Variants in OC90 observed in about 807,000 individuals in gnomAD.
OC90 encodes the protein otoconin 90.
OC90 carries 46 observed loss-of-function variants against 47.3 expected under a neutral mutation model. That is an observed-to-expected ratio of 0.97 (90% CI 0.77 to 1.24). OC90 has a LOEUF of 1.24. Among genes scored for constraint, OC90 ranks in the 50% most tolerant of loss-of-function variants. The pLI, the probability that OC90 is intolerant of heterozygous loss-of-function variation, is 0.00. For synonymous variants in OC90, 271 were observed against 219.5 expected, an observed-to-expected ratio of 1.23 and a Z score of -2.07; for missense variants, 688 against 583.9, an observed-to-expected ratio of 1.18 and a Z score of -1.84.
rs764106318 is a variant in OC90, at chr8:132,031,906, C to T, written c.1006G>A (p.Gly336Ser). ...YGCYCGQEGR[G>S]EPRDDLDRCC... is the part of the protein sequence containing the mutation. ...CTGTCTAGGTCATCCCTTGGCTCGC[C>T]TCTTCCTTCTTGTCCACAGTAACAG... Residue 336 changes from glycine to serine, a missense_variant, in exon 12 of 14, where the codon GGC becomes AGC. Coordinates refer to ENST00000254627, the MANE Select transcript of OC90 (RefSeq NM_001080399.3). 36 of 1,613,888 alleles carry T rather than the reference C, an allele frequency of 2.2e-5. No individual in the cohort carries two copies. The highest frequency in any genetic ancestry group is 1.8e-4 in the Admixed American group (11 of 60,008).
Position 132,045,808 on chromosome 8 carries a change from G to A in OC90, c.112+10C>T. On this transcript the variant is annotated intron_variant, in intron 3 of 13. Transcript: ENST00000254627. ...ACTCTGCTCCTAAGAAAAGTTCTAAGAATCCTTACTGATATTGTTTGGGAG... is the reference window on the plus strand; with the variant it reads ...ACTCTGCTCCTAAGAAAAGTTCTAAAAATCCTTACTGATATTGTTTGGGAG... The A allele has an allele frequency of 1.3e-6, 2 of 1,500,580 alleles. No homozygotes were observed. Among genetic ancestry groups the A allele is most frequent in the Non-Finnish European group, 1.8e-6 (2 of 1,100,464 alleles). The allele number at this position is 1,500,580 out of a possible 1,614,324, so 93.0% of individuals were successfully genotyped here. A position where few individuals can be genotyped will look rare whatever the true frequency, so the allele number is the denominator to read the frequency against.
chr8:132,029,582 C>A (rs1345421607), intron 12 of OC90, among the ~76,000 whole-genome samples: 1 of 152,170 alleles, frequency 6.6e-6, no homozygotes, highest in Non-Finnish European at 1.5e-5. Context: ...AGTAAGCTTA[C>A]TCCCTCCAAT....
intron 13 of OC90, among the ~76,000 whole-genome samples, chr8:132,028,626 G>T (rs1563727559): frequency 9.2e-6 from 1 of 108,132 alleles, no homozygotes. Flanking sequence ...AGGAAGGAAG[G>T]AAGGAAGGAA....
intron 6 of OC90, among the ~76,000 whole-genome samples, chr8:132,040,086 G>A (rs942597416): frequency 1.3e-4 from 20 of 152,200 alleles, no homozygotes; most frequent in African/African-American, 4.3e-4. Context: ...TTGGGTGGAT[G>A]AATGAATCAT....
At chr8:132,032,962 AG>A in intron 11 of OC90, 76 bp downstream of exon 11, 1 of 1,493,964 alleles carries the variant, frequency 6.7e-7, no homozygotes, top group Non-Finnish European at 9.1e-7. Context: ...CAGTGTGAAA[AG>A]GTGGCCTACG....
At position 132,032,061 on chromosome 8, in the gene OC90, A is replaced by T. The variant is rs1822884824; in HGVS notation, c.860-9T>A. 3.7e-6 allele frequency: 6 copies of T among 1,612,958 alleles called. No individual in the cohort carries two copies. In the African/African-American group the frequency reaches 8.0e-5, roughly 22 times the overall value. ...GGTGAATCTGTCACAGGCTGAAAGG[A>T]ACAGGAATTGTCAGGAGAGCAAGGA... On this transcript the variant is annotated splice_polypyrimidine_tract_variant and intron_variant, in intron 11 of 13. Transcript: ENST00000254627.
At chr8:132,046,364 C>T (rs899311256) in intron 2 of OC90, among the ~76,000 whole-genome samples, 1 of 152,186 alleles carries the variant, frequency 6.6e-6, no homozygotes, top group Admixed American at 6.5e-5. Context: ...TGTGCTCTCA[C>T]TCAAGTTTGA....
At chr8:132,053,896 G>C (rs1452404336) in intron 2 of OC90, among the ~76,000 whole-genome samples, 2 of 152,214 alleles carry the variant, frequency 1.3e-5, no homozygotes, top group African/African-American at 4.8e-5. Flanking sequence ...AGTCACCCTG[G>C]CTGTGTTGAG....
chr8:132,039,886 C>G (rs1823028162), intron 6 of OC90, among the ~76,000 whole-genome samples: 1 of 151,890 alleles, frequency 6.6e-6, no homozygotes, highest in Admixed American at 6.6e-5. Context: ...TAAAGAGAAC[C>G]CCCCCTTTCC....
At chr8:132,048,363 C>T (rs1327710636) in intron 2 of OC90, among the ~76,000 whole-genome samples, 2 of 152,136 alleles carry the variant, frequency 1.3e-5, no homozygotes, top group Non-Finnish European at 1.5e-5. Context: ...ATTGTAAAGG[C>T]CCAGGACCCA....
At chr8:132,031,085 C>T (rs1019592504) in intron 12 of OC90, among the ~76,000 whole-genome samples, 48 of 152,166 alleles carry the variant, frequency 3.2e-4, no homozygotes, top group Middle Eastern at 3.2e-3. Context: ...ACTTGATCAA[C>T]GCTACTTTGA....
chr8:132,044,306 G>T (rs915252139), intron 4 of OC90, 127 bp downstream of exon 4: 27 of 645,896 alleles, frequency 4.2e-5, no homozygotes, highest in African/African-American at 3.5e-4. Context: ...GGGTCTCCTT[G>T]TTGGGAGGTA....
rs1202359659 is a variant in OC90 at position 132,024,491 on chromosome 8, T to C, written c.1424A>G (p.His475Arg). 6.4e-7 allele frequency: 1 copy of C among 1,551,938 alleles called. No homozygotes were observed. Among genetic ancestry groups the C allele is most frequent in the Non-Finnish European group, 8.7e-7 (1 of 1,148,352 alleles). Residue 475 changes from histidine to arginine, a missense_variant, in exon 14 of 14, where the codon CAT (histidine) becomes CGT (arginine). Physicochemically the swap from His to Arg is conservative, Grantham distance 29. Coordinates refer to ENST00000254627, the MANE Select transcript of OC90 (RefSeq NM_001080399.3). ...ATTTTCTCTGGGCATCTATCTTCCA[T>C]GAAGAGGCCCGATCCCCAAGGGACC... Reference protein sequence around the residue: ...SLGPLGIGPLHGR With the variant: ...SLGPLGIGPLRGR
intron 13 of OC90, among the ~76,000 whole-genome samples, chr8:132,028,419 T>C (rs977462221): frequency 6.6e-6 from 1 of 151,672 alleles, no homozygotes; most frequent in African/African-American, 2.4e-5. Flanking sequence ...GGAGAATCGC[T>C]GGAATCAGGG....
At chr8:132,025,723 G>C (rs1019875389) in intron 13 of OC90, among the ~76,000 whole-genome samples, 1 of 152,152 alleles carries the variant, frequency 6.6e-6, no homozygotes, top group Admixed American at 6.5e-5. Context: ...CTTTGCTTCA[G>C]TAAACTCTTT....
In OC90 at chr8:132,031,757, G is replaced by A. The variant is rs556593766; in HGVS notation, c.1031+124C>T. ...TGTAGAGCCACCTGAGTGAGCTGCTGTGTGCACCAAGCATTTAGTGAGGCC... is the reference window on the plus strand; with the variant it reads ...TGTAGAGCCACCTGAGTGAGCTGCTATGTGCACCAAGCATTTAGTGAGGCC... On this transcript the variant is annotated intron_variant, in intron 12 of 13. Coordinates refer to ENST00000254627, the MANE Select transcript of OC90 (RefSeq NM_001080399.3). 1.3e-4 allele frequency: 94 copies of A among 743,634 alleles called. No individual in the cohort carries two copies. The African/African-American group carries it at 1.5e-3, about 12-fold the overall frequency. 46.1% of individuals were successfully genotyped at this position (743,634 alleles called of 1,614,324 possible). A position where few individuals can be genotyped will look rare whatever the true frequency, so the allele number is the denominator to read the frequency against.
At chr8:132,039,202 T>C (rs1823016311) in intron 6 of OC90, 79 bp from the exon 7 acceptor site, 2 of 1,468,744 alleles carry the variant, frequency 1.4e-6, no homozygotes, top group Non-Finnish European at 1.9e-6. Context: ...CAAGACTGAG[T>C]TCCTCATCTC....
rs1415631026 is a variant in OC90 at position 132,033,119 on chromosome 8, G to T, written c.779C>A (p.Thr260Asn). 1 of 1,608,394 alleles carries T rather than the reference G, an allele frequency of 6.2e-7. No homozygotes were observed. The highest frequency in any genetic ancestry group is 1.3e-5 in the African/African-American group (1 of 74,862). ...VATRVTAKIV[T>N]LVPAGIKSLG... ...AGATTTAATGCCAGCAGGGACAAGG[G>T]TTACAATTTTAGCTGTAACCCTTGT... is the stretch of plus-strand genomic sequence containing the variant. The change falls in exon 11 of 14, where the codon ACC becomes AAC. Residue 260 changes from threonine (T) to asparagine (N), a missense_variant. Physicochemically the swap from Thr to Asn is moderately conservative, Grantham distance 65. Coordinates refer to ENST00000254627, the MANE Select transcript of OC90 (RefSeq NM_001080399.3).
chr8:132,029,063 C>T lies in OC90; in HGVS notation c.1138+10G>A. The T allele has an allele frequency of 4.4e-6, 7 of 1,589,566 alleles. No individual in the cohort carries two copies. Among genetic ancestry groups the T allele is most frequent in the Non-Finnish European group, 5.2e-6 (6 of 1,157,538 alleles). ...AAATAATAACTCAATGTGCAACCAA[C>T]AGCACTTACACTTGGGCGTATGATC... is the stretch of plus-strand genomic sequence containing the variant. On this transcript the variant is annotated intron_variant, in intron 13 of 13. Transcript: ENST00000254627.
Sources: allele counts gnomAD v4.1 joint callset (sites outside exome capture counted in the v4.1 genomes callset), GRCh38; gene constraint gnomAD v4.1.1; transcripts MANE v1.5; gene names NCBI Gene and HGNC (gene_info 2026-07-23, HGNC 2026-07-21).